Variants in PDGFC observed in about 807,000 individuals in gnomAD.
The protein encoded by PDGFC is platelet-derived growth factor C.
PDGFC carries 12 observed loss-of-function variants against 35.5 expected under a neutral mutation model. The ratio of observed to expected loss-of-function variants is 0.34; its 90% confidence interval spans 0.22 to 0.55. The LOEUF is 0.55. Ranked by LOEUF, PDGFC falls within the 20% of genes least tolerant of loss-of-function variation. PDGFC has a pLI of 0.91. For synonymous variants in PDGFC, 159 were observed against 148.8 expected, an observed-to-expected ratio of 1.07 and a Z score of -0.50; for missense variants, 322 against 412.4, an observed-to-expected ratio of 0.78 and a Z score of 1.90.
intron 1 of PDGFC, among the ~76,000 whole-genome samples, chr4:156,856,847 C>T (rs760294086): frequency 9.2e-5 from 14 of 152,030 alleles, no homozygotes; most frequent in Non-Finnish European, 1.6e-4. Context: ...AAAGTTCATC[C>T]GTAATAACCT....
intron 2 of PDGFC, chr4:156,842,196 C>A (rs1391193658): frequency 6.6e-6 from 1 of 152,122 alleles, no homozygotes; most frequent in African/African-American, 2.4e-5. Context: ...TCTCCCACAG[C>A]TTGTGCTCTG....
intron 1 of PDGFC, among the ~76,000 whole-genome samples, chr4:156,897,694 C>T (rs1730668608): frequency 6.6e-6 from 1 of 152,082 alleles, no homozygotes; most frequent in East Asian, 1.9e-4. Context: ...TTTATGTCTA[C>T]ATGTTACTGA....
chr4:156,920,526 A>G (rs1440940184), intron 1 of PDGFC, among the ~76,000 whole-genome samples: 1 of 152,200 alleles, frequency 6.6e-6, no homozygotes, highest in Non-Finnish European at 1.5e-5. Context: ...TAGTTTCAAG[A>G]TAATTTTTTA....
intron 1 of PDGFC, among the ~76,000 whole-genome samples, chr4:156,917,218 G>C (rs997552721): frequency 5.3e-5 from 8 of 152,258 alleles, no homozygotes; most frequent in Middle Eastern, 3.4e-3. Context: ...CAACCCATTG[G>C]GGAACTGATT....
Position 156,815,882 on chromosome 4 carries a change from A to AT in PDGFC, c.315-4866_315-4865insA, listed in dbSNP as rs1249856009. On this transcript the variant is annotated intron_variant, in intron 2 of 5. Transcript: ENST00000502773. ...CATGGCAACATGATACAGAGCATAC[A>AT]GGGCTAAGTGGTTTATAATGATCAC... Among the ~76,000 whole-genome samples, 5 of 152,290 alleles carry AT rather than the reference A, an allele frequency of 3.3e-5. No individual in the cohort carries two copies. The East Asian group carries it at 9.6e-4, about 29-fold the overall frequency.
At chr4:156,770,830 A>G (rs1462085190) in intron 4 of PDGFC, among the ~76,000 whole-genome samples, 17 of 152,150 alleles carry the variant, frequency 1.1e-4, no homozygotes, top group Admixed American at 1.1e-3. Flanking sequence ...AAGATAGTCT[A>G]TTACTGTAAT....
intron 1 of PDGFC, among the ~76,000 whole-genome samples, chr4:156,860,767 T>C (rs767992220): frequency 3.3e-5 from 5 of 152,246 alleles, no homozygotes; most frequent in Non-Finnish European, 5.9e-5. Context: ...AACTTAAAGA[T>C]CTATTACTGC....
At chr4:156,865,262 T>A (rs186198197) in intron 1 of PDGFC, among the ~76,000 whole-genome samples, 3 of 151,936 alleles carry the variant, frequency 2.0e-5, no homozygotes, top group African/African-American at 7.2e-5. Flanking sequence ...CACAGGGGTA[T>A]CATTTCACAT....
At chr4:156,814,819 C>G (rs1732035786) in intron 2 of PDGFC, among the ~76,000 whole-genome samples, 1 of 151,988 alleles carries the variant, frequency 6.6e-6, no homozygotes, top group Non-Finnish European at 1.5e-5. Context: ...TATTAAGAAA[C>G]AAAAATATCT....
At chr4:156,800,253 G>T (rs1000792429) in intron 3 of PDGFC, among the ~76,000 whole-genome samples, 53 of 152,078 alleles carry the variant, frequency 3.5e-4, no homozygotes, top group African/African-American at 1.2e-3. Flanking sequence ...TTTTCAAATT[G>T]ATACAATTAA....
At chr4:156,929,750 A>C (rs1323684065) in intron 1 of PDGFC, among the ~76,000 whole-genome samples, 1 of 152,228 alleles carries the variant, frequency 6.6e-6, no homozygotes, top group East Asian at 1.9e-4. Flanking sequence ...TTCTCTGGCT[A>C]TTTATCCTTT....
chr4:156,810,755 A>AT (rs1056978979), intron 3 of PDGFC, 82 bp downstream of exon 3: 18 of 889,430 alleles, frequency 2.0e-5, no homozygotes, highest in Middle Eastern at 2.8e-4. Flanking sequence ...TTTTTTTCTG[A>AT]TTCTCATGTG....
At chr4:156,864,281 A>G (rs1414569227) in intron 1 of PDGFC, among the ~76,000 whole-genome samples, 1 of 152,182 alleles carries the variant, frequency 6.6e-6, no homozygotes, top group Admixed American at 6.5e-5. Context: ...TTCTACAAAA[A>G]GACACCAGCA....
intron 3 of PDGFC, among the ~76,000 whole-genome samples, chr4:156,790,350 G>T (rs899998113): frequency 3.0e-4 from 46 of 152,118 alleles, no homozygotes; most frequent in Non-Finnish European, 8.8e-5. Flanking sequence ...AAAGATTTTT[G>T]TTTAATACAG....
chr4:156,956,686 T>C (rs1307715069), intron 1 of PDGFC, among the ~76,000 whole-genome samples: 1 of 152,040 alleles, frequency 6.6e-6, no homozygotes, highest in Non-Finnish European at 1.5e-5. Context: ...GATAATTATT[T>C]TACCTAAAAA....
intron 1 of PDGFC, among the ~76,000 whole-genome samples, chr4:156,955,780 A>G (rs899628602): frequency 1.3e-5 from 2 of 151,974 alleles, no homozygotes; most frequent in South Asian, 4.1e-4. Context: ...GCATCTAAAC[A>G]TGCTCTTAGT....
intron 1 of PDGFC, among the ~76,000 whole-genome samples, chr4:156,896,873 ACCC>A (rs1222938840): frequency 6.6e-6 from 1 of 152,134 alleles, no homozygotes; most frequent in Non-Finnish European, 1.5e-5. Flanking sequence ...CTGGAAATAG[ACCC>A]TTTTTGTTTT....
At chr4:156,945,841 G>A (rs1316000324) in intron 1 of PDGFC, among the ~76,000 whole-genome samples, 5 of 151,840 alleles carry the variant, frequency 3.3e-5, no homozygotes. Flanking sequence ...TTCACTCATG[G>A]GCCCAATCTG....
chr4:156,893,949 G>A (rs1444626119), intron 1 of PDGFC, among the ~76,000 whole-genome samples: 3 of 152,086 alleles, frequency 2.0e-5, no homozygotes, highest in African/African-American at 7.2e-5. Flanking sequence ...ACTAGAATTT[G>A]AAGCCTCTCC....
Sources: allele counts gnomAD v4.1 joint callset (sites outside exome capture counted in the v4.1 genomes callset), GRCh38; gene constraint gnomAD v4.1.1; transcripts MANE v1.5; gene names NCBI Gene and HGNC (gene_info 2026-07-23, HGNC 2026-07-21).